Variants in EXOC5 observed in about 807,000 individuals in gnomAD.
EXOC5 encodes the protein SEC10-like 1.
A neutral mutation model predicts 90.8 loss-of-function variants in EXOC5; 17 were observed. The ratio of observed to expected loss-of-function variants is 0.19; its 90% CI spans 0.13 to 0.28. The LOEUF (loss-of-function observed/expected upper bound fraction) is 0.28. Among genes scored for constraint, EXOC5 ranks in the 10% least tolerant of loss-of-function variants. The pLI, the probability that EXOC5 is intolerant of heterozygous loss-of-function variation, is 1.00. For synonymous variants in EXOC5, 260 were observed against 270.0 expected (o/e 0.96, Z 0.36); for missense variants, 569 against 830.6 (o/e 0.69, Z 3.87).
At position 57,229,825 on chromosome 14, in the gene EXOC5, C is replaced by T. The variant is rs1883425219; in HGVS notation, c.1205G>A (p.Ser402Asn). 2.0e-6 allele frequency: 3 copies of T among 1,527,620 alleles called. No individual in the cohort carries two copies. Among genetic ancestry groups the T allele is most frequent in the South Asian group, 1.3e-5 (1 of 79,890 alleles). 94.6% of individuals were successfully genotyped at this position (1,527,620 alleles called of 1,614,324 possible). ...AAAAGTCTCCCCATGAGTATCGATA[C>T]TTGGCCCAAGTGGTAAGTTGGTACG... The part of the protein sequence containing the change: ...RQRTNLPLGP[S>N]IDTHGETFLS... The change falls in exon 12 of 18, where the codon AGT becomes AAT. Residue 402 changes from serine (S) to asparagine (N), a missense_variant. Ser to Asn is a conservative substitution (Grantham distance 46). Coordinates refer to ENST00000621441, the MANE Select transcript of EXOC5 (RefSeq NM_006544.4).
chr14:57,229,429 A>G (rs1454832468), intron 12 of EXOC5, among the ~76,000 whole-genome samples: 1 of 152,180 alleles, frequency 6.6e-6, no homozygotes, highest in East Asian at 1.9e-4. Flanking sequence ...AAGAAAAAAA[A>G]AGAGAATGGT....
In EXOC5 at chr14:57,206,083, AGTGT is replaced by A; in HGVS notation, c.*2522_*2525del. 9.2e-6 allele frequency: 4 copies of A among 435,096 alleles called. No homozygotes were observed. Among genetic ancestry groups the A allele is most frequent in the South Asian group, 6.5e-5 (4 of 61,096 alleles). The allele number at this position is 435,096 out of a possible 1,614,324, so 27.0% of individuals were successfully genotyped here. Reference sequence around the variant, plus strand: ...TCTCAATTTTAGAAAAACAATGCACAGTGTGTTAAGAGCATATTTTCAACTTCAT... The same window carrying A: ...TCTCAATTTTAGAAAAACAATGCACAGTTAAGAGCATATTTTCAACTTCAT... On this transcript the variant is annotated 3_prime_UTR_variant, in exon 18 of 18. Transcript: ENST00000621441.
In EXOC5 at chr14:57,245,445, A is replaced by G. The variant is rs139689780; in HGVS notation, c.271-1086T>C. ...CCATGAAAAGGTTAAATTGCTTGAG[A>G]TTACACAGTTCATAAGCGGCAGAGC... On this transcript the variant is annotated intron_variant, in intron 3 of 17. Transcript: ENST00000621441. Among the ~76,000 whole-genome samples, 787 of 152,312 alleles carry G rather than the reference A, an allele frequency of 5.2e-3. 4 individuals are homozygous for G. The highest frequency in any genetic ancestry group is 0.012 in the Admixed American group (180 of 15,300).
At position 57,202,864 on chromosome 14, in the gene EXOC5, A is replaced by AT. The variant is rs1301350657; in HGVS notation, c.*5744dup. ...CTATTTTTAAAATAAAAAAATGTAC[A>AT]TATTACTATAAAAATAACTTCTCCC... On this transcript the variant is annotated 3_prime_UTR_variant, in exon 18 of 18. Coordinates refer to ENST00000621441, the MANE Select transcript of EXOC5 (RefSeq NM_006544.4). The AT allele has an allele frequency of 1.3e-5, 2 of 152,210 alleles. No individual in the cohort carries two copies. Among genetic ancestry groups the AT allele is most frequent in the Non-Finnish European group, 2.9e-5 (2 of 68,036 alleles). 9.4% of individuals were successfully genotyped at this position (152,210 alleles called of 1,614,324 possible).
At chr14:57,210,597 A>G (rs1208748007) in intron 15 of EXOC5, among the ~76,000 whole-genome samples, 1 of 152,176 alleles carries the variant, frequency 6.6e-6, no homozygotes, top group African/African-American at 2.4e-5. Context: ...TGAAACGTTT[A>G]TGTTCATTGA....
chr14:57,229,706 T>C (rs1313143225), intron 12 of EXOC5, 28 bp downstream of exon 12: 5 of 1,429,824 alleles, frequency 3.5e-6, no homozygotes, highest in Admixed American at 2.2e-5. Context: ...CAACTGTATA[T>C]GTAAAATACA....
intron 15 of EXOC5, among the ~76,000 whole-genome samples, chr14:57,214,885 C>G (rs1882927264): frequency 6.6e-6 from 1 of 152,132 alleles, no homozygotes; most frequent in Admixed American, 6.5e-5. Context: ...CTGCTGAAGT[C>G]AGAAAAATCC....
intron 12 of EXOC5, among the ~76,000 whole-genome samples, chr14:57,227,233 A>G (rs1377884090): frequency 6.6e-6 from 1 of 152,142 alleles, no homozygotes; most frequent in African/African-American, 2.4e-5. Flanking sequence ...GAAAATGAAA[A>G]CTAAAACTAT....
At position 57,263,505 on chromosome 14, in the gene EXOC5, C is replaced by T. The variant is rs748413269; in HGVS notation, c.27+5117G>A. Among the ~76,000 whole-genome samples the T allele has an allele frequency of 1.1e-3, 163 of 151,544 alleles. 1 individual carries two copies. The highest frequency in any genetic ancestry group is 1.6e-3 in the Non-Finnish European group (111 of 67,868). ...AAAACTGGCCAGGCACGGTGGCTCA[C>T]GCTTGTAATCCCAGCACTTTGGGAG... is the stretch of plus-strand genomic sequence containing the variant. On this transcript the variant is annotated intron_variant, in intron 1 of 17. Coordinates refer to ENST00000621441, the MANE Select transcript of EXOC5 (RefSeq NM_006544.4).
chr14:57,263,739 T>TAAAAAAA (rs550651836), intron 1 of EXOC5, among the ~76,000 whole-genome samples: 1 of 39,350 alleles, frequency 2.5e-5, no homozygotes. Flanking sequence ...CACTCCAGCC[T>TAAAAAAA]AAAAAAAAAA....
chr14:57,216,808 T>A (rs1882988719), intron 15 of EXOC5, among the ~76,000 whole-genome samples: 1 of 152,074 alleles, frequency 6.6e-6, no homozygotes, highest in Admixed American at 6.6e-5. Flanking sequence ...ACTAAAGAGC[T>A]TCCGCACAGC....
At chr14:57,268,446 C>T in intron 1 of EXOC5, 176 bp downstream of exon 1, 2 of 1,479,572 alleles carry the variant, frequency 1.4e-6, no homozygotes, top group African/African-American at 2.8e-5. Context: ...AGCACCCCTC[C>T]CCCATTTCAC....
Position 57,268,758 on chromosome 14 carries a change from G to T in EXOC5, c.-110C>A, listed in dbSNP as rs931134681. The stretch of plus-strand genomic sequence containing the variant: ...CGCTCGGCTCGCCAGCTCCGGCTCC[G>T]GGCCGCTGCGGGCTCCCCAGCTCCC... On this transcript the variant is annotated 5_prime_UTR_variant, in exon 1 of 18. Coordinates refer to ENST00000621441, the MANE Select transcript of EXOC5 (RefSeq NM_006544.4). The T allele has an allele frequency of 1.2e-5, 17 of 1,463,792 alleles. No homozygotes were observed. Among genetic ancestry groups the T allele is most frequent in the Non-Finnish European group, 1.4e-5 (16 of 1,112,984 alleles). 90.7% of individuals were successfully genotyped at this position (1,463,792 alleles called of 1,614,324 possible). A position where few individuals can be genotyped will look rare whatever the true frequency, so the allele number is the denominator to read the frequency against.
intron 4 of EXOC5, among the ~76,000 whole-genome samples, chr14:57,240,155 T>C (rs1883814421): frequency 6.6e-6 from 1 of 152,112 alleles, no homozygotes; most frequent in Non-Finnish European, 1.5e-5. Flanking sequence ...TAAAGTTTAA[T>C]GTAAAGCCCC....
In EXOC5 at chr14:57,206,382, ATT is replaced by A. The variant is rs10706566; in HGVS notation, c.*2225_*2226del. 4.6e-5 allele frequency: 7 copies of A among 151,022 alleles called. No individual in the cohort carries two copies. Among genetic ancestry groups the A allele is most frequent in the South Asian group, 2.0e-4 (1 of 4,908 alleles). The allele number at this position is 151,022 out of a possible 1,614,324, so 9.4% of individuals were successfully genotyped here. A position where few individuals can be genotyped will look rare whatever the true frequency, so the allele number is the denominator to read the frequency against. The stretch of plus-strand genomic sequence containing the variant: ...GAATGCATATTGCCTCACATGACAC[ATT>A]TTTTTTTTTCCCTCAGAGAAAGACC... On this transcript the variant is annotated 3_prime_UTR_variant, in exon 18 of 18. Transcript: ENST00000621441.
chr14:57,241,318 C>T (rs149568828), intron 4 of EXOC5, among the ~76,000 whole-genome samples: 109 of 152,264 alleles, frequency 7.2e-4, no homozygotes, highest in Non-Finnish European at 1.3e-3. Flanking sequence ...TTTCAACTAC[C>T]AAACACTCAC....
chr14:57,212,163 C>A (rs1882846991), intron 15 of EXOC5, among the ~76,000 whole-genome samples: 1 of 152,194 alleles, frequency 6.6e-6, no homozygotes, highest in Non-Finnish European at 1.5e-5. Flanking sequence ...CCATGCCCAC[C>A]CAAGAAAGTG....
chr14:57,200,669 T>C lies in EXOC5; in HGVS notation c.*7940A>G, dbSNP rs1882474048. On this transcript the variant is annotated 3_prime_UTR_variant, in exon 18 of 18. Coordinates refer to ENST00000621441, the MANE Select transcript of EXOC5 (RefSeq NM_006544.4). ...AAAAACATACGGTATGCATTTCAAATTTAATTCTTTCAAAATGTAAGTTCT... is the reference window on the plus strand; with the variant it reads ...AAAAACATACGGTATGCATTTCAAACTTAATTCTTTCAAAATGTAAGTTCT... 1 of 151,712 alleles carries C rather than the reference T, an allele frequency of 6.6e-6. No individual in the cohort carries two copies. Among genetic ancestry groups the C allele is most frequent in the South Asian group, 2.1e-4 (1 of 4,808 alleles). The allele number at this position is 151,712 out of a possible 1,614,324, so 9.4% of individuals were successfully genotyped here.
At position 57,249,163 on chromosome 14, in the gene EXOC5, T is replaced by A. The variant is rs564306084; in HGVS notation, c.28-1451A>T. Among the ~76,000 whole-genome samples, 10 of 152,282 alleles carry A rather than the reference T, an allele frequency of 6.6e-5. No homozygotes were observed. In the East Asian group the frequency reaches 1.9e-3, roughly 29 times the overall value. ...TACATACTTTATCATATTCAATATG[T>A]ACTATGGTAAGTAGTAAGTCTACAA... is the stretch of plus-strand genomic sequence containing the variant. On this transcript the variant is annotated intron_variant, in intron 1 of 17. Transcript: ENST00000621441.
Sources: gnomAD v4.1 joint callset for allele counts (sites outside exome capture counted in the v4.1 genomes callset) on GRCh38, gnomAD v4.1.1 for gene constraint, MANE v1.5 for transcripts, NCBI Gene and HGNC (gene_info 2026-07-23, HGNC 2026-07-21) for gene names.